The following ASIC2 variants were observed in gnomAD, a reference collection of about 807,000 sequenced individuals.
The protein encoded by ASIC2 is acid-sensing ion channel 2.
ASIC2 carries 25 observed loss-of-function variants against 57.3 expected under a neutral mutation model. The ratio of observed to expected loss-of-function variants is 0.44; its 90% CI spans 0.32 to 0.61. The LOEUF (loss-of-function observed/expected upper bound fraction) is 0.61, where lower values mean the gene tolerates loss of function less well. Ranked by LOEUF, ASIC2 falls within the 20% of genes least tolerant of loss-of-function variation. ASIC2 has a pLI of 0.06. For synonymous variants in ASIC2, 319 were observed against 307.5 expected, an observed-to-expected ratio of 1.04 and a Z score of -0.39; for missense variants, 641 against 738.1, an observed-to-expected ratio of 0.87 and a Z score of 1.52.
At chr17:33,729,125 T>C (rs1460907593) in intron 1 of ASIC2, among the ~76,000 whole-genome samples, 1 of 152,188 alleles carries the variant, frequency 6.6e-6, no homozygotes, top group Non-Finnish European at 1.5e-5. Flanking sequence ...TTTAATTGGC[T>C]TATGGCTCTG....
At chr17:33,172,479 A>G (rs975151355) in intron 1 of ASIC2, among the ~76,000 whole-genome samples, 7 of 152,178 alleles carry the variant, frequency 4.6e-5, no homozygotes, top group Admixed American at 6.5e-5. Context: ...TCCTAGGTGT[A>G]GGGTGCAGGC....
At chr17:33,729,786 T>C (rs1909682913) in intron 1 of ASIC2, among the ~76,000 whole-genome samples, 1 of 152,196 alleles carries the variant, frequency 6.6e-6, no homozygotes, top group African/African-American at 2.4e-5. Flanking sequence ...AGTGTTGACA[T>C]ATTAATGATC....
At chr17:33,094,130 T>C (rs999106501) in intron 2 of ASIC2, among the ~76,000 whole-genome samples, 4 of 152,188 alleles carry the variant, frequency 2.6e-5, no homozygotes, top group Admixed American at 6.5e-5. Context: ...CTCTCTGTGC[T>C]ACGGGTTTGA....
chr17:33,564,278 C>A (rs570980691), intron 1 of ASIC2, among the ~76,000 whole-genome samples: 2 of 152,190 alleles, frequency 1.3e-5, no homozygotes, highest in South Asian at 4.1e-4. Context: ...AAGAAAACCT[C>A]AATATTGAAA....
At position 33,164,024 on chromosome 17, in the gene ASIC2, AG is replaced by A. The variant is rs1905235868; in HGVS notation, c.709-51958del. On this transcript the variant is annotated intron_variant, in intron 1 of 9. Coordinates refer to ENST00000225823, the MANE Select transcript of ASIC2 (RefSeq NM_183377.2). ...TAGGCGGGAAAATGAGAGCTCTGAG[AG>A]GCTGAGCATCTTGCTCAATGTCCCA... Among the ~76,000 whole-genome samples the A allele has an allele frequency of 2.0e-5, 3 of 152,306 alleles. No homozygotes were observed. The South Asian group carries it at 6.2e-4, about 32-fold the overall frequency.
intron 1 of ASIC2, chr17:34,037,834 C>T: frequency 1.2e-6 from 2 of 1,614,152 alleles, no homozygotes; most frequent in South Asian, 1.1e-5. Flanking sequence ...GCGGGAACTG[C>T]ACTTCAGTAG....
rs1436014970 is a variant in ASIC2 at position 33,440,253 on chromosome 17, G to T, written c.556-328186C>A. On this transcript the variant is annotated intron_variant, in intron 1 of 9. Transcript: ENST00000359872. ...TACACATGAAAGTCTTTTGGATCTG[G>T]CCTCTTTTCCTTAGCCTGACGTTTT... Among the ~76,000 whole-genome samples, 4 of 152,132 alleles carry T rather than the reference G, an allele frequency of 2.6e-5. No homozygotes were observed. In the East Asian group the frequency reaches 7.7e-4, roughly 29 times the overall value.
chr17:34,129,323 G>C (rs1056989533), intron 1 of ASIC2, among the ~76,000 whole-genome samples: 1 of 152,114 alleles, frequency 6.6e-6, no homozygotes, highest in Non-Finnish European at 1.5e-5. Flanking sequence ...CTCACTCTGA[G>C]GCCAAACTCT....
chr17:33,282,001 C>G lies in ASIC2; in HGVS notation c.708+9407G>C, dbSNP rs557273638. Among the ~76,000 whole-genome samples the G allele has an allele frequency of 2.6e-5, 4 of 152,320 alleles. No individual in the cohort carries two copies. In the South Asian group the frequency reaches 8.3e-4, roughly 32 times the overall value. On this transcript the variant is annotated intron_variant, in intron 1 of 9. Coordinates refer to ENST00000225823, the MANE Select transcript of ASIC2 (RefSeq NM_183377.2). The stretch of plus-strand genomic sequence containing the variant: ...GCATTATGTAAGTGTGGTTAAAATA[C>G]TCCCAAGCTATTTCTGAAACTAGAT...
At chr17:34,105,487 T>A (rs1338334053) in intron 1 of ASIC2, among the ~76,000 whole-genome samples, 5 of 151,066 alleles carry the variant, frequency 3.3e-5, no homozygotes, top group Non-Finnish European at 1.5e-5. Context: ...TACCTTTTTT[T>A]TTTTTTTTGC....
chr17:34,105,370 A>G (rs1194233865), intron 1 of ASIC2, among the ~76,000 whole-genome samples: 1 of 151,314 alleles, frequency 6.6e-6, no homozygotes, highest in Non-Finnish European at 1.5e-5. Flanking sequence ...TCTAGCTAGA[A>G]GTTTATCAAA....
intron 1 of ASIC2, among the ~76,000 whole-genome samples, chr17:33,729,397 A>G (rs1194974531): frequency 6.6e-6 from 1 of 152,108 alleles, no homozygotes; most frequent in East Asian, 1.9e-4. Flanking sequence ...ACACCTCCCC[A>G]CCAGAACCCA....
chr17:33,818,917 T>C (rs1354802768), intron 1 of ASIC2, among the ~76,000 whole-genome samples: 1 of 152,204 alleles, frequency 6.6e-6, no homozygotes, highest in African/African-American at 2.4e-5. Context: ...CCCATCTTGC[T>C]CAAGGGAGTT....
chr17:33,952,776 T>C (rs1019623727), intron 1 of ASIC2, among the ~76,000 whole-genome samples: 1 of 152,294 alleles, frequency 6.6e-6, no homozygotes, highest in South Asian at 2.1e-4. Flanking sequence ...ATCCTAATTA[T>C]GTAGAAATAA....
chr17:34,069,262 TTTCCTTTC>T (rs1909292820), intron 1 of ASIC2: 1 of 146,478 alleles, frequency 6.8e-6, no homozygotes, highest in Non-Finnish European at 1.5e-5. Context: ...TTCCTTTCCT[TTTCCTTTC>T]TTCCTTTCCT....
chr17:33,999,741 T>C (rs1906273919), intron 1 of ASIC2, among the ~76,000 whole-genome samples: 1 of 152,168 alleles, frequency 6.6e-6, no homozygotes, highest in Non-Finnish European at 1.5e-5. Context: ...GTAGCTATAG[T>C]TATTTTAATA....
chr17:33,201,138 C>T (rs1202535003), intron 1 of ASIC2, among the ~76,000 whole-genome samples: 1 of 152,184 alleles, frequency 6.6e-6, no homozygotes, highest in Non-Finnish European at 1.5e-5. Context: ...ACTTGTTCAT[C>T]ATACTGTATG....
rs1456876293 is a variant in ASIC2 at position 33,319,946 on chromosome 17, A to C, written c.556-207879T>G. 2.6e-5 allele frequency among the ~76,000 whole-genome samples: 4 copies of C among 152,146 alleles called. No individual in the cohort carries two copies. In the East Asian group the frequency reaches 7.7e-4, roughly 29 times the overall value. On this transcript the variant is annotated intron_variant, in intron 1 of 9. Coordinates refer to the ASIC2 transcript ENST00000359872. ...TTTCTTGGTCTAGGAAAACTCTAGG[A>C]TTTGGGGGAAAAATCTTTGGGGAAG...
At position 34,134,743 on chromosome 17, in the gene ASIC2, C is replaced by A. The variant is rs545764034; in HGVS notation, c.555+21235G>T. Reference sequence around the variant, plus strand: ...TCCCAAGATTAATCAGGTCTGACCTCAGGAAGGAAACCCTCTGCTTATGAC... The same window carrying A: ...TCCCAAGATTAATCAGGTCTGACCTAAGGAAGGAAACCCTCTGCTTATGAC... On this transcript the variant is annotated intron_variant, in intron 1 of 9. Coordinates refer to the ASIC2 transcript ENST00000359872. Among the ~76,000 whole-genome samples the A allele has an allele frequency of 2.0e-5, 3 of 152,314 alleles. No homozygotes were observed. In the South Asian group the frequency reaches 6.2e-4, roughly 32 times the overall value.
Sources: gnomAD v4.1 joint callset for allele counts (sites outside exome capture counted in the v4.1 genomes callset) on GRCh38, gnomAD v4.1.1 for gene constraint, MANE v1.5 for transcripts, NCBI Gene and HGNC (gene_info 2026-07-23, HGNC 2026-07-21) for gene names.